The following GPR25 variants were observed in gnomAD, a reference collection of about 807,000 sequenced individuals.
The protein encoded by GPR25 is C-X-C chemokine receptor GPR25.
For missense variants in GPR25, 501 were observed against 503.0 expected (o/e 1.00, Z 0.04); for synonymous variants, 280 against 264.9 (o/e 1.06, Z -0.55).
chr1:200,873,891 T>A lies in GPR25; in HGVS notation c.854T>A (p.Leu285Gln). The part of the protein sequence containing the change: ...LPLPCPLLLA[L>Q]RWGLTIATCL... Reference sequence around the variant, plus strand: ...CTGCCGTGCCCCCTGCTGCTGGCGCTGCGCTGGGGCCTCACCATTGCCACC... The same window carrying A: ...CTGCCGTGCCCCCTGCTGCTGGCGCAGCGCTGGGGCCTCACCATTGCCACC... The change falls in exon 1 of 1, where the codon CTG (leucine) becomes CAG (glutamine). Residue 285 changes from leucine (L) to glutamine (Q), a missense_variant. Physicochemically the swap from Leu to Gln is moderately radical, Grantham distance 113. Transcript: ENST00000304244. 6.2e-7 allele frequency: 1 copy of A among 1,608,544 alleles called. No homozygotes were observed. Among genetic ancestry groups the A allele is most frequent in the Non-Finnish European group, 8.5e-7 (1 of 1,178,662 alleles).
chr1:200,873,429 C>T lies in GPR25; in HGVS notation c.392C>T (p.Ala131Val). Reference protein sequence around the residue: ...GTRCAGALLLAGMSVDRYLAV... With the variant: ...GTRCAGALLLVGMSVDRYLAV... ...CGCTGCGCGGGCGCGCTGCTGCTGG[C>T]GGGCATGAGCGTGGACCGCTACCTG... The change falls in exon 1 of 1, where the codon GCG becomes GTG. Residue 131 changes from alanine to valine, a missense_variant. By Grantham distance (64) the Ala-to-Val change is moderately conservative. Coordinates refer to ENST00000304244, the MANE Select transcript of GPR25 (RefSeq NM_005298.4). 1.3e-6 allele frequency: 2 copies of T among 1,516,442 alleles called. No homozygotes were observed. Among genetic ancestry groups the T allele is most frequent in the East Asian group, 2.7e-5 (1 of 37,534 alleles). The allele number at this position is 1,516,442 out of a possible 1,614,324, so 93.9% of individuals were successfully genotyped here. A position where few individuals can be genotyped will look rare whatever the true frequency, so the allele number is the denominator to read the frequency against.
In GPR25 at chr1:200,873,418, G is replaced by T. The variant is rs750936473; in HGVS notation, c.381G>T (p.Ala127=). 4 of 1,506,424 alleles carry T rather than the reference G, an allele frequency of 2.7e-6. No individual in the cohort carries two copies. The Admixed American group carries it at 6.4e-5, about 24-fold the overall frequency. The allele number at this position is 1,506,424 out of a possible 1,614,324, so 93.3% of individuals were successfully genotyped here. Residue 127 remains alanine, a synonymous_variant, in exon 1 of 1, where the codon GCG becomes GCT. Coordinates refer to ENST00000304244, the MANE Select transcript of GPR25 (RefSeq NM_005298.4). The part of the protein sequence containing the change: ...FALAGTRCAG[A]LLLAGMSVDR... Reference sequence around the variant, plus strand: ...TGGCGGGCACGCGCTGCGCGGGCGCGCTGCTGCTGGCGGGCATGAGCGTGG... The same window carrying T: ...TGGCGGGCACGCGCTGCGCGGGCGCTCTGCTGCTGGCGGGCATGAGCGTGG...
rs748616716 is a variant in GPR25, at chr1:200,874,055, T to C, written c.1018T>C (p.Ser340Pro). Residue 340 changes from serine (S) to proline (P), a missense_variant, in exon 1 of 1, where the codon TCC becomes CCC. Physicochemically the swap from Ser to Pro is moderately conservative, Grantham distance 74. Coordinates refer to ENST00000304244, the MANE Select transcript of GPR25 (RefSeq NM_005298.4). ...ARRISSASSLSRDDSSVFRCR... is the reference protein window; with the variant it reads ...ARRISSASSLPRDDSSVFRCR... The stretch of plus-strand genomic sequence containing the variant: ...AAGGATCAGCTCAGCCTCCTCGCTC[T>C]CCAGGGACGACAGTTCCGTGTTCCG... 2 of 1,608,626 alleles carry C rather than the reference T, an allele frequency of 1.2e-6. No homozygotes were observed. The highest frequency in any genetic ancestry group is 3.4e-5 in the Admixed American group (2 of 59,680).
In GPR25 at chr1:200,873,990, CG is replaced by C; in HGVS notation, c.954del (p.Leu319TrpfsTer?). On this transcript the variant is annotated frameshift_variant, in exon 1 of 1. Transcript: ENST00000304244. LOFTEE classifies it low-confidence loss of function (END_TRUNC). ...LLLDRSFRARALDGACGRTGR... is the reference protein window; with the variant it reads ...LLLDRSFRARXLDGACGRTGR... ...CTGGACCGCTCATTCCGAGCCCGGG[CG>C]CTGGACGGGGCCTGCGGGCGCACCG... The C allele has an allele frequency of 2.5e-6, 4 of 1,612,174 alleles. No individual in the cohort carries two copies. The highest frequency in any genetic ancestry group is 3.4e-6 in the Non-Finnish European group (4 of 1,179,580).
In GPR25 at chr1:200,873,737, C is replaced by A; in HGVS notation, c.700C>A (p.His234Asn). Residue 234 changes from histidine (H) to asparagine (N), a missense_variant, in exon 1 of 1, where the codon CAC becomes AAC. Coordinates refer to ENST00000304244, the MANE Select transcript of GPR25 (RefSeq NM_005298.4). ...RISRRLRRPP[H>N]VGRARRNSLR... ...CTCGCGCCGCCTGCGACGGCCGCCG[C>A]ACGTGGGTCGGGCCCGGAGGAACTC... is the stretch of plus-strand genomic sequence containing the variant. The A allele has an allele frequency of 6.3e-7, 1 of 1,598,100 alleles. No individual in the cohort carries two copies. Among genetic ancestry groups the A allele is most frequent in the Non-Finnish European group, 8.5e-7 (1 of 1,178,780 alleles).
rs1398500416 is a variant in GPR25 at position 200,873,001 on chromosome 1, C to T, written c.-37C>T. On this transcript the variant is annotated 5_prime_UTR_variant, in exon 1 of 1. Transcript: ENST00000304244. Reference sequence around the variant, plus strand: ...TGCTCAGAGCTGCTGCCGCCTGCGCCCAGGGCTGCACTCCGCGCAGGCCTC... The same window carrying T: ...TGCTCAGAGCTGCTGCCGCCTGCGCTCAGGGCTGCACTCCGCGCAGGCCTC... 2.1e-6 allele frequency: 3 copies of T among 1,459,366 alleles called. No individual in the cohort carries two copies. In the African/African-American group the frequency reaches 4.3e-5, roughly 21 times the overall value. 90.4% of individuals were successfully genotyped at this position (1,459,366 alleles called of 1,614,324 possible).
In GPR25 at chr1:200,873,328, G is replaced by A; in HGVS notation, c.291G>A (p.Ala97=). The A allele has an allele frequency of 6.7e-7, 1 of 1,492,668 alleles. No individual in the cohort carries two copies. 92.5% of individuals were successfully genotyped at this position (1,492,668 alleles called of 1,614,324 possible). A position where few individuals can be genotyped will look rare whatever the true frequency, so the allele number is the denominator to read the frequency against. ...TGCTCACGCTGCCGCTGTGGGCCGC[G>A]GCGGCGGCGCTAGGCGGCCGCTGGC... ...GFVLTLPLWA[A]AAALGGRWPF... Residue 97 remains alanine, a synonymous_variant, in exon 1 of 1, where the codon GCG becomes GCA. Transcript: ENST00000304244.
At position 200,873,168 on chromosome 1, in the gene GPR25, C is replaced by G. The variant is rs941682167; in HGVS notation, c.131C>G (p.Ala44Gly). ...DLPYGYVYIP[A>G]LYLAAFAVGL... ...CCCTACGGCTACGTCTACATCCCCG[C>G]GCTCTACCTGGCGGCCTTCGCCGTG... The change falls in exon 1 of 1, where the codon GCG becomes GGG. Residue 44 changes from alanine to glycine, a missense_variant. Coordinates refer to ENST00000304244, the MANE Select transcript of GPR25 (RefSeq NM_005298.4). The G allele has an allele frequency of 5.0e-6, 8 of 1,606,912 alleles. No homozygotes were observed. Among genetic ancestry groups the G allele is most frequent in the Middle Eastern group, 1.7e-4 (1 of 6,052 alleles).
Position 200,873,418 on chromosome 1 carries a change from G to A in GPR25, c.381G>A (p.Ala127=). Residue 127 remains alanine (A), a synonymous_variant, in exon 1 of 1, where the codon GCG becomes GCA. Coordinates refer to ENST00000304244, the MANE Select transcript of GPR25 (RefSeq NM_005298.4). ...FALAGTRCAG[A]LLLAGMSVDR... Reference sequence around the variant, plus strand: ...TGGCGGGCACGCGCTGCGCGGGCGCGCTGCTGCTGGCGGGCATGAGCGTGG... The same window carrying A: ...TGGCGGGCACGCGCTGCGCGGGCGCACTGCTGCTGGCGGGCATGAGCGTGG... The A allele has an allele frequency of 6.6e-7, 1 of 1,506,422 alleles. No homozygotes were observed. Among genetic ancestry groups the A allele is most frequent in the Non-Finnish European group, 8.8e-7 (1 of 1,137,022 alleles). 93.3% of individuals were successfully genotyped at this position (1,506,422 alleles called of 1,614,324 possible). A position where few individuals can be genotyped will look rare whatever the true frequency, so the allele number is the denominator to read the frequency against.
chr1:200,873,964 G>C lies in GPR25; in HGVS notation c.927G>C (p.Leu309=). Residue 309 remains leucine, a synonymous_variant, in exon 1 of 1, where the codon CTG becomes CTC. Coordinates refer to ENST00000304244, the MANE Select transcript of GPR25 (RefSeq NM_005298.4). The part of the protein sequence containing the change: ...NSCANPLIYL[L]LDRSFRARAL... ...GCGCCAACCCGCTCATCTACCTCCT[G>C]CTGGACCGCTCATTCCGAGCCCGGG... The C allele has an allele frequency of 6.2e-7, 1 of 1,612,236 alleles. No homozygotes were observed. The highest frequency in any genetic ancestry group is 1.1e-5 in the South Asian group (1 of 91,048).
At position 200,874,050 on chromosome 1, in the gene GPR25, C is replaced by A. The variant is rs1352497136; in HGVS notation, c.1013C>A (p.Ser338Ter). 2 of 1,610,056 alleles carry A rather than the reference C, an allele frequency of 1.2e-6. No individual in the cohort carries two copies. The highest frequency in any genetic ancestry group is 1.1e-5 in the South Asian group (1 of 90,710). The change falls in exon 1 of 1, where the codon TCG becomes TAG. Residue 338 changes from serine (S) to a stop codon, truncating the protein, a stop_gained. Transcript: ENST00000304244. LOFTEE classifies it low-confidence loss of function (END_TRUNC). Reference protein sequence around the residue: ...RLARRISSASSLSRDDSSVFR... With the variant: ...RLARRISSAS Reference sequence around the variant, plus strand: ...GCGCGAAGGATCAGCTCAGCCTCCTCGCTCTCCAGGGACGACAGTTCCGTG... The same window carrying A: ...GCGCGAAGGATCAGCTCAGCCTCCTAGCTCTCCAGGGACGACAGTTCCGTG...
In GPR25 at chr1:200,873,204, G is replaced by T. The variant is rs1286265798; in HGVS notation, c.167G>T (p.Gly56Val). 2 of 1,605,662 alleles carry T rather than the reference G, an allele frequency of 1.2e-6. No individual in the cohort carries two copies. Among genetic ancestry groups the T allele is most frequent in the Non-Finnish European group, 1.7e-6 (2 of 1,178,796 alleles). ...GCGGCCTTCGCCGTGGGCCTGCTGG[G>T]CAACGCCTTTGTGGTGTGGCTGCTG... ...YLAAFAVGLL[G>V]NAFVVWLLAG... Residue 56 changes from glycine (G) to valine (V), a missense_variant, in exon 1 of 1, where the codon GGC becomes GTC. Gly to Val is a moderately radical substitution (Grantham distance 109, BLOSUM62 -3). Coordinates refer to ENST00000304244, the MANE Select transcript of GPR25 (RefSeq NM_005298.4).
Position 200,874,168 on chromosome 1 carries a change from G to A in GPR25, c.*45G>A. The A allele has an allele frequency of 6.8e-7, 1 of 1,476,182 alleles. No homozygotes were observed. Among genetic ancestry groups the A allele is most frequent in the Non-Finnish European group, 9.0e-7 (1 of 1,109,122 alleles). 91.4% of individuals were successfully genotyped at this position (1,476,182 alleles called of 1,614,324 possible). ...GTGGGCGGCAGCGGAGCATCGAGAG[G>A]AGGCCAGAGGTCCCGGAGGGGACTG... On this transcript the variant is annotated 3_prime_UTR_variant, in exon 1 of 1. Transcript: ENST00000304244.
Position 200,872,998 on chromosome 1 carries a change from C to A in GPR25, c.-40C>A, listed in dbSNP as rs1263946382. The A allele has an allele frequency of 1.4e-6, 2 of 1,444,336 alleles. No individual in the cohort carries two copies. Among genetic ancestry groups the A allele is most frequent in the Admixed American group, 2.6e-5 (1 of 38,588 alleles). The allele number at this position is 1,444,336 out of a possible 1,614,324, so 89.5% of individuals were successfully genotyped here. On this transcript the variant is annotated 5_prime_UTR_variant, in exon 1 of 1. Coordinates refer to ENST00000304244, the MANE Select transcript of GPR25 (RefSeq NM_005298.4). The stretch of plus-strand genomic sequence containing the variant: ...TCCTGCTCAGAGCTGCTGCCGCCTG[C>A]GCCCAGGGCTGCACTCCGCGCAGGC...
chr1:200,873,137 G>A lies in GPR25; in HGVS notation c.100G>A (p.Asp34Asn). ...LEELELCPAGDLPYGYVYIPA... is the reference protein window; with the variant it reads ...LEELELCPAGNLPYGYVYIPA... The stretch of plus-strand genomic sequence containing the variant: ...GGAGCTGGAGCTGTGTCCGGCCGGG[G>A]ACCTGCCCTACGGCTACGTCTACAT... Residue 34 changes from aspartate to asparagine, a missense_variant, in exon 1 of 1, where the codon GAC (aspartate) becomes AAC (asparagine). Physicochemically the swap from Asp to Asn is conservative, Grantham distance 23. Coordinates refer to ENST00000304244, the MANE Select transcript of GPR25 (RefSeq NM_005298.4). 1.9e-6 allele frequency: 3 copies of A among 1,604,260 alleles called. No homozygotes were observed. The highest frequency in any genetic ancestry group is 2.7e-5 in the African/African-American group (2 of 75,014).
At position 200,873,666 on chromosome 1, in the gene GPR25, C is replaced by T; in HGVS notation, c.629C>T (p.Thr210Ile). Residue 210 changes from threonine (T) to isoleucine (I), a missense_variant, in exon 1 of 1, where the codon ACC (threonine) becomes ATC (isoleucine). Physicochemically the swap from Thr to Ile is moderately conservative, Grantham distance 89. Transcript: ENST00000304244. ...QGLSLLLLLL[T>I]FVLPLVVTLF... ...CTCAGCTTGCTGCTGCTGCTGCTGA[C>T]CTTCGTGCTGCCCCTGGTCGTCACC... 6.3e-7 allele frequency: 1 copy of T among 1,598,248 alleles called. No individual in the cohort carries two copies. The highest frequency in any genetic ancestry group is 1.1e-5 in the South Asian group (1 of 91,066).
In GPR25 at chr1:200,873,308, A is replaced by C. The variant is rs1210811701; in HGVS notation, c.271A>C (p.Thr91Pro). ...GGCAGCTGACCTGGGCTTCGTGCTC[A>C]CGCTGCCGCTGTGGGCCGCGGCGGC... ...LAAADLGFVL[T>P]LPLWAAAAAL... Residue 91 changes from threonine (T) to proline (P), a missense_variant, in exon 1 of 1, where the codon ACG becomes CCG. By Grantham distance (38) the Thr-to-Pro change is conservative. Transcript: ENST00000304244. The C allele has an allele frequency of 3.3e-6, 5 of 1,529,502 alleles. No homozygotes were observed. The highest frequency in any genetic ancestry group is 4.4e-6 in the Non-Finnish European group (5 of 1,143,954). 94.7% of individuals were successfully genotyped at this position (1,529,502 alleles called of 1,614,324 possible).
chr1:200,873,530 G>A lies in GPR25; in HGVS notation c.493G>A (p.Ala165Thr). 1.3e-6 allele frequency: 2 copies of A among 1,561,718 alleles called. No individual in the cohort carries two copies. The highest frequency in any genetic ancestry group is 2.3e-5 in the South Asian group (2 of 86,706). ...GCTGGCCTCGTGCTGCGGCGTCTGGGCCGTGGCGCTGCTGGCCGGCCTGCC... is the reference window on the plus strand; with the variant it reads ...GCTGGCCTCGTGCTGCGGCGTCTGGACCGTGGCGCTGCTGGCCGGCCTGCC... ...CALASCCGVW[A>T]VALLAGLPSL... Residue 165 changes from alanine to threonine, a missense_variant, in exon 1 of 1, where the codon GCC (alanine) becomes ACC (threonine). Ala to Thr is a moderately conservative substitution (Grantham distance 58). Coordinates refer to ENST00000304244, the MANE Select transcript of GPR25 (RefSeq NM_005298.4).
rs143071598 is a variant in GPR25, at chr1:200,874,117, C to T, written c.1080C>T (p.Ser360=). 4.3e-3 allele frequency: 6,627 copies of T among 1,542,124 alleles called. 33 individuals carry two copies. The highest frequency in any genetic ancestry group is 5.2e-3 in the Non-Finnish European group (5,931 of 1,139,964). ...RAQAANTASA[S]W is the part of the protein sequence containing the mutation. ...AGGCCGCGAACACTGCCTCGGCCTC[C>T]TGGTAGCTGCCCCGGGCCGCTGGAG... is the stretch of plus-strand genomic sequence containing the variant. The change falls in exon 1 of 1, where the codon TCC becomes TCT. Residue 360 remains serine (S), a synonymous_variant. Coordinates refer to ENST00000304244, the MANE Select transcript of GPR25 (RefSeq NM_005298.4).
Sources: allele counts gnomAD v4.1 joint callset, GRCh38; gene constraint gnomAD v4.1.1; transcripts MANE v1.5; gene names NCBI Gene and HGNC (gene_info 2026-07-23, HGNC 2026-07-21).